CTIF: variants seen among roughly 807,000 people sequenced by gnomAD.
CTIF encodes the protein CBP80/20-dependent translation initiation factor.
A neutral mutation model predicts 66.0 loss-of-function variants in CTIF; 21 were observed. That is an observed-to-expected ratio of 0.32 (90% CI 0.23 to 0.46). The LOEUF (loss-of-function observed/expected upper bound fraction) is 0.46, where lower values mean the gene tolerates loss of function less well. Among genes scored for constraint, CTIF ranks in the 20% least tolerant of loss-of-function variants. The pLI is 1.00. For missense variants in CTIF, 739 were observed against 812.7 expected (o/e 0.91, Z 1.10); for synonymous variants, 345 against 326.4 (o/e 1.06, Z -0.62).
At chr18:48,816,246 T>C (rs1010022839) in intron 9 of CTIF, among the ~76,000 whole-genome samples, 2 of 152,152 alleles carry the variant, frequency 1.3e-5, no homozygotes, top group African/African-American at 4.8e-5. Context: ...CACATCAGAA[T>C]TGGCACACCA....
chr18:48,807,668 C>T (rs2068178299), intron 9 of CTIF, among the ~76,000 whole-genome samples: 1 of 151,758 alleles, frequency 6.6e-6, no homozygotes, highest in Non-Finnish European at 1.5e-5. Flanking sequence ...GCAACTTCCA[C>T]CTCCAGGTGC....
intron 2 of CTIF, among the ~76,000 whole-genome samples, chr18:48,631,659 G>T (rs1363907638): frequency 6.6e-6 from 1 of 152,192 alleles, no homozygotes. Context: ...TGTCATGTTT[G>T]TTCCAGGTTT....
intron 1 of CTIF, among the ~76,000 whole-genome samples, chr18:48,549,974 T>TTTTG (rs1053689469): frequency 1.6e-4 from 24 of 152,274 alleles, no homozygotes; most frequent in African/African-American, 4.1e-4. Context: ...TTGTTGAGGT[T>TTTTG]TTTGTTTGTT....
intron 3 of CTIF, among the ~76,000 whole-genome samples, chr18:48,644,811 A>G (rs2090996304): frequency 6.6e-6 from 1 of 152,220 alleles, no homozygotes; most frequent in Non-Finnish European, 1.5e-5. Context: ...GAGGTGAGAC[A>G]TACAGGCAAA....
intron 10 of CTIF, among the ~76,000 whole-genome samples, chr18:48,844,780 CAT>C (rs1306229361): frequency 6.6e-6 from 1 of 152,250 alleles, no homozygotes; most frequent in Non-Finnish European, 1.5e-5. Flanking sequence ...GAGCGATTAA[CAT>C]AAAACAGCAC....
intron 3 of CTIF, among the ~76,000 whole-genome samples, chr18:48,659,831 G>T (rs751650043): frequency 6.6e-6 from 1 of 152,230 alleles, no homozygotes; most frequent in Admixed American, 6.5e-5. Flanking sequence ...GCCACAGGGC[G>T]GGGGTGGCTA....
At chr18:48,725,812 AT>A (rs1190619981) in intron 7 of CTIF, among the ~76,000 whole-genome samples, 6 of 152,034 alleles carry the variant, frequency 3.9e-5, no homozygotes, top group Non-Finnish European at 8.8e-5. Flanking sequence ...TTCAAGGCAG[AT>A]TTTTTTGCTC....
chr18:48,684,534 A>G (rs1271333074), intron 6 of CTIF, among the ~76,000 whole-genome samples: 1 of 152,092 alleles, frequency 6.6e-6, no homozygotes, highest in Admixed American at 6.5e-5. Context: ...TGATTTTCTT[A>G]TTATGAGAGA....
intron 7 of CTIF, among the ~76,000 whole-genome samples, chr18:48,713,840 A>T (rs765257071): frequency 4.6e-5 from 7 of 152,202 alleles, no homozygotes; most frequent in Non-Finnish European, 8.8e-5. Flanking sequence ...TATGGAGCAA[A>T]CATCTTGACC....
At chr18:48,744,732 A>T (rs1001971492) in intron 7 of CTIF, among the ~76,000 whole-genome samples, 1 of 151,968 alleles carries the variant, frequency 6.6e-6, no homozygotes, top group Non-Finnish European at 1.5e-5. Flanking sequence ...CCTTATTCAT[A>T]TTTCTCCAGC....
At chr18:48,702,383 G>A (rs1237083832) in intron 6 of CTIF, among the ~76,000 whole-genome samples, 1 of 152,184 alleles carries the variant, frequency 6.6e-6, no homozygotes, top group Non-Finnish European at 1.5e-5. Context: ...AAATATTCAC[G>A]TGCACTTTTA....
chr18:48,600,197 C>G (rs2090065828), intron 1 of CTIF, among the ~76,000 whole-genome samples: 1 of 152,024 alleles, frequency 6.6e-6, no homozygotes, highest in African/African-American at 2.4e-5. Flanking sequence ...TTGCTTGCTT[C>G]TAGGGAGCTC....
intron 7 of CTIF, among the ~76,000 whole-genome samples, chr18:48,731,710 T>A (rs1389945418): frequency 1.3e-5 from 2 of 152,240 alleles, no homozygotes; most frequent in Non-Finnish European, 1.5e-5. Context: ...AGAAACCCAA[T>A]GGTCCCTTAC....
intron 9 of CTIF, among the ~76,000 whole-genome samples, chr18:48,782,756 C>T (rs954873074): frequency 2.6e-5 from 4 of 152,160 alleles, no homozygotes; most frequent in African/African-American, 7.2e-5. Flanking sequence ...TCTGGGCCTC[C>T]GGGCTGAGTT....
At chr18:48,693,373 G>A (rs761436331) in intron 6 of CTIF, among the ~76,000 whole-genome samples, 6 of 152,096 alleles carry the variant, frequency 3.9e-5, no homozygotes, top group Admixed American at 6.6e-5. Flanking sequence ...TTGTAGACTC[G>A]CCTGGGGAGC....
At chr18:48,578,938 A>T (rs558472270) in intron 1 of CTIF, among the ~76,000 whole-genome samples, 1 of 152,184 alleles carries the variant, frequency 6.6e-6, no homozygotes, top group African/African-American at 2.4e-5. Flanking sequence ...ACAACAATTT[A>T]CTTTTGTTTT....
intron 7 of CTIF, among the ~76,000 whole-genome samples, chr18:48,753,582 A>G: frequency 6.6e-6 from 1 of 150,970 alleles, no homozygotes; most frequent in Non-Finnish European, 1.5e-5. Context: ...AAAAGCATAA[A>G]CCGACAATTT....
At chr18:48,746,074 C>CGGCT (rs1214092867) in intron 7 of CTIF, among the ~76,000 whole-genome samples, 2 of 152,214 alleles carry the variant, frequency 1.3e-5, no homozygotes, top group African/African-American at 4.8e-5. Context: ...TGGAGTGAGG[C>CGGCT]GGCTGGCGGC....
chr18:48,756,399 A>G (rs1471316460), intron 7 of CTIF: 1 of 152,234 alleles, frequency 6.6e-6, no homozygotes, highest in Non-Finnish European at 1.5e-5. Flanking sequence ...TCAATTTTTC[A>G]CAGATAAAAA....
Sources: gnomAD v4.1 joint callset for allele counts (sites outside exome capture counted in the v4.1 genomes callset) on GRCh38, gnomAD v4.1.1 for gene constraint, MANE v1.5 for transcripts, NCBI Gene and HGNC (gene_info 2026-07-23, HGNC 2026-07-21) for gene names.